Variants in RALGAPA2 observed in about 807,000 individuals in gnomAD.
The protein encoded by RALGAPA2 is Ral GTPase activating protein catalytic subunit alpha 2.
RALGAPA2 carries 139 observed loss-of-function variants against 230.4 expected under a neutral mutation model. The observed-to-expected ratio is 0.60, with a 90% CI of 0.53 to 0.69. The LOEUF is 0.69. Among genes scored for constraint, RALGAPA2 ranks in the 30% least tolerant of loss-of-function variants. The probability of loss-of-function intolerance (pLI) is 0.00; values close to 1 mark genes in which losing one functional copy is unlikely to be tolerated. For synonymous variants in RALGAPA2, 847 were observed against 837.8 expected (o/e 1.01, Z -0.19); for missense variants, 2,163 against 2,276.0 (o/e 0.95, Z 1.01).
intron 12 of RALGAPA2, among the ~76,000 whole-genome samples, chr20:20,618,454 GTA>G (rs556017359): frequency 9.2e-5 from 14 of 151,518 alleles, no homozygotes; most frequent in African/African-American, 3.4e-4. Context: ...CATGAGTATG[GTA>G]TATTAAACTG....
At chr20:20,433,122 A>T (rs556000056) in intron 37 of RALGAPA2, among the ~76,000 whole-genome samples, 16 of 152,358 alleles carry the variant, frequency 1.1e-4, no homozygotes, top group African/African-American at 3.6e-4. Flanking sequence ...TTGTCTCTCC[A>T]TTCAGACATA....
chr20:20,602,208 A>T (rs1272573130), intron 15 of RALGAPA2, among the ~76,000 whole-genome samples: 4 of 152,218 alleles, frequency 2.6e-5, no homozygotes, highest in Non-Finnish European at 1.5e-5. Flanking sequence ...CTACTTATAA[A>T]CCAAAAACTC....
chr20:20,632,242 G>C (rs1196548795), intron 9 of RALGAPA2, among the ~76,000 whole-genome samples: 1 of 151,968 alleles, frequency 6.6e-6, no homozygotes, highest in East Asian at 1.9e-4. Context: ...GTGTTAGCCA[G>C]GATGGTCTCG....
chr20:20,446,523 A>G (rs146951432), intron 37 of RALGAPA2, among the ~76,000 whole-genome samples: 1,799 of 152,304 alleles, frequency 0.012, 38 homozygotes, highest in African/African-American at 0.041. Flanking sequence ...TAAGAGGAGA[A>G]CAGCAGCCAC....
chr20:20,399,343 CA>C (rs11396922), intron 38 of RALGAPA2, among the ~76,000 whole-genome samples: 1,788 of 115,926 alleles, frequency 0.015, 35 homozygotes, highest in African/African-American at 0.053. Flanking sequence ...AACTCCGTCT[CA>C]AAAAAAAAAA....
chr20:20,636,274 C>T (rs1297521468), intron 8 of RALGAPA2, among the ~76,000 whole-genome samples: 4 of 152,082 alleles, frequency 2.6e-5, no homozygotes, highest in Admixed American at 6.5e-5. Flanking sequence ...ATACTACTTG[C>T]CATAAGTTCA....
chr20:20,528,583 G>A (rs993773319), intron 27 of RALGAPA2, among the ~76,000 whole-genome samples: 13 of 152,146 alleles, frequency 8.5e-5, no homozygotes, highest in African/African-American at 3.1e-4. Flanking sequence ...GAGCAGGGCT[G>A]GGCAGTTCAC....
intron 1 of RALGAPA2, among the ~76,000 whole-genome samples, chr20:20,699,000 T>G (rs1234057681): frequency 6.6e-6 from 1 of 152,218 alleles, no homozygotes; most frequent in Non-Finnish European, 1.5e-5. Flanking sequence ...ATCTCTAAGT[T>G]TATATATTTA....
intron 9 of RALGAPA2, 130 bp from the exon 10 acceptor site, chr20:20,629,720 A>C: frequency 1.2e-6 from 1 of 861,410 alleles, no homozygotes; most frequent in South Asian, 1.7e-5. Context: ...GCAAACCAAA[A>C]CCAGCTTGAA....
intron 37 of RALGAPA2, among the ~76,000 whole-genome samples, chr20:20,413,194 C>T (rs1235277531): frequency 2.0e-5 from 3 of 152,218 alleles, no homozygotes; most frequent in Non-Finnish European, 4.4e-5. Flanking sequence ...TTGGCAGCTC[C>T]AGAAGAGGAA....
intron 37 of RALGAPA2, among the ~76,000 whole-genome samples, chr20:20,464,145 G>C (rs938137219): frequency 6.6e-6 from 1 of 152,176 alleles, no homozygotes; most frequent in African/African-American, 2.4e-5. Context: ...GCTTCCTCCA[G>C]ACTCTTTTCT....
chr20:20,432,137 G>A (rs1416901122), intron 37 of RALGAPA2, among the ~76,000 whole-genome samples: 10 of 152,178 alleles, frequency 6.6e-5, no homozygotes, highest in Non-Finnish European at 1.3e-4. Flanking sequence ...GCTGGTGATC[G>A]TCTTCACTGT....
At chr20:20,681,940 A>G (rs1191841061) in intron 1 of RALGAPA2, among the ~76,000 whole-genome samples, 1 of 152,240 alleles carries the variant, frequency 6.6e-6, no homozygotes, top group African/African-American at 2.4e-5. Context: ...ATTACTCAAG[A>G]AAAAAATGTG....
At chr20:20,644,279 T>G (rs1444629421) in intron 4 of RALGAPA2, among the ~76,000 whole-genome samples, 1 of 152,168 alleles carries the variant, frequency 6.6e-6, no homozygotes, top group Admixed American at 6.5e-5. Context: ...CAAGAGAACT[T>G]TCCTCTCAGT....
intron 22 of RALGAPA2, 71 bp downstream of exon 22, chr20:20,571,777 T>C: frequency 6.7e-7 from 1 of 1,489,746 alleles, no homozygotes; most frequent in Admixed American, 1.9e-5. Context: ...CTTGGGCAAT[T>C]ACATTTTTCA....
intron 34 of RALGAPA2, among the ~76,000 whole-genome samples, chr20:20,504,578 C>G (rs892600914): frequency 9.2e-5 from 14 of 151,908 alleles, no homozygotes; most frequent in African/African-American, 2.9e-4. Context: ...AAAAAAAAAT[C>G]AGCTGGGTGT....
intron 4 of RALGAPA2, among the ~76,000 whole-genome samples, chr20:20,647,569 C>G (rs191045109): frequency 3.7e-4 from 57 of 152,302 alleles, no homozygotes; most frequent in African/African-American, 1.2e-3. Context: ...ATGTGTTACA[C>G]ATGACATCAA....
At chr20:20,628,257 C>T (rs1279184979) in intron 10 of RALGAPA2, among the ~76,000 whole-genome samples, 1 of 152,122 alleles carries the variant, frequency 6.6e-6, no homozygotes, top group African/African-American at 2.4e-5. Context: ...AAAAACTTGC[C>T]TCACCATAAG....
chr20:20,440,539 T>A (rs1447026040), intron 37 of RALGAPA2, among the ~76,000 whole-genome samples: 1 of 152,234 alleles, frequency 6.6e-6, no homozygotes, highest in Non-Finnish European at 1.5e-5. Context: ...GCAGACAGCA[T>A]CGGAGCTTTG....
Sources: gnomAD v4.1 joint callset for allele counts (sites outside exome capture counted in the v4.1 genomes callset) on GRCh38, gnomAD v4.1.1 for gene constraint, MANE v1.5 for transcripts, NCBI Gene and HGNC (gene_info 2026-07-23, HGNC 2026-07-21) for gene names.